The following NEBL variants were observed in gnomAD, a reference collection of about 807,000 sequenced individuals.
NEBL encodes the protein LIM and SH3 protein 2.
In NEBL, 122 loss-of-function variants were observed where a neutral mutation model predicts 140.2. The observed-to-expected ratio is 0.87, with a 90% confidence interval of 0.75 to 1.01. The LOEUF (loss-of-function observed/expected upper bound fraction) is 1.01, where lower values mean the gene tolerates loss of function less well. Among genes scored for constraint, NEBL ranks in the 50% least tolerant of loss-of-function variants. The probability of loss-of-function intolerance (pLI) is 0.00; values close to 1 mark genes in which losing one functional copy is unlikely to be tolerated. For missense variants in NEBL, 1,365 were observed against 1,231.3 expected (o/e 1.11, Z -1.62); for synonymous variants, 436 against 398.9 (o/e 1.09, Z -1.11).
At position 21,098,871 on chromosome 10, in the gene NEBL, G is replaced by C. The variant is rs144089900; in HGVS notation, c.164+73512C>G. Reference sequence around the variant, plus strand: ...TAGCCAGGCATGGCGGCTCACACCTGTAATCTCATAATCCCAACAATTTGT... The same window carrying C: ...TAGCCAGGCATGGCGGCTCACACCTCTAATCTCATAATCCCAACAATTTGT... On this transcript the variant is annotated intron_variant, in intron 2 of 6. Coordinates refer to the NEBL transcript ENST00000417816. Among the ~76,000 whole-genome samples the C allele has an allele frequency of 2.8e-3, 433 of 152,274 alleles. 3 individuals are homozygous for C. The highest frequency in any genetic ancestry group is 9.7e-3 in the African/African-American group (403 of 41,558).
intron 2 of NEBL, among the ~76,000 whole-genome samples, chr10:21,151,133 C>A (rs1191294240): frequency 6.6e-6 from 1 of 152,170 alleles, no homozygotes; most frequent in Non-Finnish European, 1.5e-5. Context: ...GATTCTTCTG[C>A]AGGATTTTTC....
intron 2 of NEBL, among the ~76,000 whole-genome samples, chr10:21,118,815 C>T (rs1482475778): frequency 1.3e-5 from 2 of 152,054 alleles, no homozygotes; most frequent in Non-Finnish European, 2.9e-5. Flanking sequence ...ATAGAAAATA[C>T]AAACACTGGA....
At chr10:21,040,021 T>C (rs1385718677) in intron 2 of NEBL, among the ~76,000 whole-genome samples, 1 of 152,198 alleles carries the variant, frequency 6.6e-6, no homozygotes, top group Non-Finnish European at 1.5e-5. Context: ...AAATACCAAC[T>C]GTTAGTCTGT....
chr10:20,953,506 A>ATTTTT (rs146415247), intron 4 of NEBL, among the ~76,000 whole-genome samples: 9 of 119,776 alleles, frequency 7.5e-5, no homozygotes, highest in African/African-American at 1.9e-4. Flanking sequence ...ACAAGCCCTA[A>ATTTTT]TTTTTTTTTT....
intron 16 of NEBL, among the ~76,000 whole-genome samples, chr10:20,830,898 C>T (rs1203446234): frequency 7.6e-6 from 1 of 131,266 alleles, no homozygotes; most frequent in African/African-American, 3.1e-5. Flanking sequence ...AGTGAGACCT[C>T]CATCTCTAAA....
At chr10:21,269,491 T>C (rs915549658) in intron 1 of NEBL, among the ~76,000 whole-genome samples, 1 of 152,146 alleles carries the variant, frequency 6.6e-6, no homozygotes, top group Non-Finnish European at 1.5e-5. Flanking sequence ...AAAGACTGAG[T>C]GTTTAATATT....
chr10:21,165,800 C>T lies in NEBL; in HGVS notation c.164+6583G>A, dbSNP rs144485241. 4.2e-3 allele frequency among the ~76,000 whole-genome samples: 636 copies of T among 152,058 alleles called. 6 individuals carry two copies. The highest frequency in any genetic ancestry group is 0.015 in the African/African-American group (602 of 41,474). On this transcript the variant is annotated intron_variant, in intron 2 of 6. Transcript: ENST00000417816. ...TGAACCCCAGGGAAAGGTGTGGGGT[C>T]GGGTGTGATGGGCACAAACAGAAAA...
intron 19 of NEBL, among the ~76,000 whole-genome samples, chr10:20,821,236 C>T (rs1300816573): frequency 6.6e-6 from 1 of 152,164 alleles, no homozygotes; most frequent in African/African-American, 2.4e-5. Context: ...ATCTTGTATT[C>T]ATCCCTTCAC....
At chr10:20,989,016 A>G (rs1263091361) in intron 3 of NEBL, among the ~76,000 whole-genome samples, 1 of 152,264 alleles carries the variant, frequency 6.6e-6, no homozygotes, top group Non-Finnish European at 1.5e-5. Context: ...TCTTATTTTC[A>G]TAACTAAATA....
In NEBL at chr10:20,912,127, T is replaced by C. The variant is rs188022702; in HGVS notation, c.357+49545A>G. On this transcript the variant is annotated intron_variant, in intron 4 of 6. Transcript: ENST00000417816. ...GTTTTTCTGCAAATATGAATGTAAA[T>C]GTAAAAACATGAAAATGACTTTTAA... Among the ~76,000 whole-genome samples the C allele has an allele frequency of 4.9e-4, 74 of 152,322 alleles. No homozygotes were observed. The East Asian group carries it at 0.014, about 28-fold the overall frequency.
chr10:21,194,162 G>A (rs2132219725), intron 3 of NEBL, among the ~76,000 whole-genome samples: 1 of 151,812 alleles, frequency 6.6e-6, no homozygotes, highest in South Asian at 2.1e-4. Flanking sequence ...AATAGAGATG[G>A]GATTTCAATA....
At chr10:20,925,573 T>G (rs1422306369) in intron 4 of NEBL, among the ~76,000 whole-genome samples, 1 of 152,184 alleles carries the variant, frequency 6.6e-6, no homozygotes, top group Non-Finnish European at 1.5e-5. Context: ...CTGGCCTGAC[T>G]TACCTTATTC....
At chr10:21,227,447 T>C (rs1429665361) in intron 3 of NEBL, among the ~76,000 whole-genome samples, 3 of 152,216 alleles carry the variant, frequency 2.0e-5, no homozygotes, top group Non-Finnish European at 2.9e-5. Flanking sequence ...AACAATAATT[T>C]TGTGTTGAAA....
At chr10:21,083,808 G>T (rs1836495031) in intron 2 of NEBL, among the ~76,000 whole-genome samples, 1 of 152,200 alleles carries the variant, frequency 6.6e-6, no homozygotes, top group African/African-American at 2.4e-5. Context: ...TTGTGCCACT[G>T]CACTGCAGCC....
At chr10:21,228,126 A>AGTT (rs762748877) in intron 3 of NEBL, among the ~76,000 whole-genome samples, 3 of 149,846 alleles carry the variant, frequency 2.0e-5, no homozygotes, top group Non-Finnish European at 1.5e-5. Context: ...TTTTTTTTCG[A>AGTT]GTTGTTGTTG....
chr10:21,088,900 C>A (rs1250567004), intron 2 of NEBL, among the ~76,000 whole-genome samples: 2 of 152,210 alleles, frequency 1.3e-5, no homozygotes. Flanking sequence ...TCTGGAAGAA[C>A]TGCCCTCTGC....
intron 16 of NEBL, among the ~76,000 whole-genome samples, chr10:20,830,912 T>TAAAAAAAAAAAAA (rs371760760): frequency 1.1e-5 from 1 of 92,368 alleles, no homozygotes; most frequent in Non-Finnish European, 2.1e-5. Context: ...CTCTAAAATT[T>TAAAAAAAAAAAAA]AAAAAAAAAA....
In NEBL at chr10:21,090,955, TGCCAA is replaced by T. The variant is rs1836882559; in HGVS notation, c.165-70759_165-70755del. 2.0e-5 allele frequency among the ~76,000 whole-genome samples: 3 copies of T among 152,050 alleles called. No homozygotes were observed. The South Asian group carries it at 6.2e-4, about 32-fold the overall frequency. ...CAAGGTCATTATTCTATACCAAAAA[TGCCAA>T]TTTTTTCCCAGCGTCCCACCACCAC... On this transcript the variant is annotated intron_variant, in intron 2 of 6. Coordinates refer to the NEBL transcript ENST00000417816.
At chr10:20,804,828 A>T (rs1301640907) in intron 26 of NEBL, among the ~76,000 whole-genome samples, 1 of 152,184 alleles carries the variant, frequency 6.6e-6, no homozygotes, top group African/African-American at 2.4e-5. Context: ...TTTGGGTTAT[A>T]TTCAGAATAA....
Sources: allele counts gnomAD v4.1 joint callset (sites outside exome capture counted in the v4.1 genomes callset), GRCh38; gene constraint gnomAD v4.1.1; transcripts MANE v1.5; gene names NCBI Gene and HGNC (gene_info 2026-07-23, HGNC 2026-07-21).